MYH13: variants seen among roughly 807,000 people sequenced by gnomAD.
MYH13 encodes myosin heavy chain 13.
In MYH13, 177 loss-of-function variants were observed where a neutral mutation model predicts 232.1. That is an observed-to-expected ratio of 0.76 (90% CI 0.67 to 0.86). MYH13 has a LOEUF of 0.86. Among genes scored for constraint, MYH13 ranks in the 40% least tolerant of loss-of-function variants. The pLI is 0.00. For missense variants in MYH13, 2,246 were observed against 2,405.9 expected (o/e 0.93, Z 1.39); for synonymous variants, 884 against 923.5 (o/e 0.96, Z 0.78).
At chr17:10,331,895 G>A (rs1907417891) in intron 20 of MYH13, among the ~76,000 whole-genome samples, 1 of 152,068 alleles carries the variant, frequency 6.6e-6, no homozygotes, top group African/African-American at 2.4e-5. Flanking sequence ...TGGGGCTCAG[G>A]CTTCCAATCT....
intron 23 of MYH13, 53 bp downstream of exon 23, chr17:10,323,969 G>A: frequency 1.2e-6 from 2 of 1,600,354 alleles, no homozygotes; most frequent in Middle Eastern, 1.7e-4. Context: ...TCCTTACAGA[G>A]AGAGAGAGTG....
intron 37 of MYH13, among the ~76,000 whole-genome samples, chr17:10,305,053 C>G (rs1326598013): frequency 2.6e-5 from 4 of 152,222 alleles, no homozygotes; most frequent in African/African-American, 7.2e-5. Context: ...CCCAAAACCT[C>G]CCCACCCTCC....
intron 29 of MYH13, among the ~76,000 whole-genome samples, chr17:10,314,506 C>T (rs1906632782): frequency 6.6e-6 from 1 of 152,210 alleles, no homozygotes; most frequent in South Asian, 2.1e-4. Flanking sequence ...CAGCCCGCTC[C>T]TGCAGTGGCT....
chr17:10,349,782 C>T (rs2071695479), intron 12 of MYH13, among the ~76,000 whole-genome samples: 1 of 152,090 alleles, frequency 6.6e-6, no homozygotes, highest in South Asian at 2.1e-4. Flanking sequence ...TGTAGATTTT[C>T]CCACCCTTTA....
rs745474321 is a variant in MYH13 at position 10,354,778 on chromosome 17, G to A, written c.907C>T (p.Leu303Phe). Reference protein sequence around the residue: ...SNKKPELIDLLLISTNPFDFP... With the variant: ...SNKKPELIDLFLISTNPFDFP... ...TCGAAGGGGTTGGTGGAGATCAGAA[G>A]CAGGTCTGTGAAACACAGATATCCC... is the stretch of plus-strand genomic sequence containing the variant. Residue 303 changes from leucine (L) to phenylalanine (F), a missense_variant, in exon 11 of 41, where the codon CTT (leucine) becomes TTT (phenylalanine). By Grantham distance (22) the Leu-to-Phe change is conservative. Coordinates refer to ENST00000252172, the MANE Select transcript of MYH13 (RefSeq NM_003802.3). 3 of 1,613,902 alleles carry A rather than the reference G, an allele frequency of 1.9e-6. No individual in the cohort carries two copies. The highest frequency in any genetic ancestry group is 2.2e-5 in the East Asian group (1 of 44,892).
At chr17:10,351,794 G>C (rs558550132) in intron 11 of MYH13, among the ~76,000 whole-genome samples, 15 of 152,294 alleles carry the variant, frequency 9.8e-5, no homozygotes, top group African/African-American at 3.4e-4. Flanking sequence ...CTTCTCTGGG[G>C]TACACATATT....
rs911724070 is a variant in MYH13, at chr17:10,325,773, T to C, written c.2692-1509A>G. 3.3e-5 allele frequency among the ~76,000 whole-genome samples: 5 copies of C among 152,202 alleles called. No homozygotes were observed. In the East Asian group the frequency reaches 7.7e-4, roughly 24 times the overall value. Reference sequence around the variant, plus strand: ...CTCACTGCAACCTCTGCCTCCTGGGTTCAAGTGATTCTCCTGCCTCAGCCT... The same window carrying C: ...CTCACTGCAACCTCTGCCTCCTGGGCTCAAGTGATTCTCCTGCCTCAGCCT... On this transcript the variant is annotated intron_variant, in intron 22 of 40. Coordinates refer to ENST00000252172, the MANE Select transcript of MYH13 (RefSeq NM_003802.3).
At position 10,344,106 on chromosome 17, in the gene MYH13, T is replaced by C; in HGVS notation, c.1588A>G (p.Met530Val). 2 of 1,613,978 alleles carry C rather than the reference T, an allele frequency of 1.2e-6. No individual in the cohort carries two copies. The highest frequency in any genetic ancestry group is 1.7e-6 in the Non-Finnish European group (2 of 1,179,872). ...AACIELIEKP[M>V]GIFSILEEEC... Reference sequence around the variant, plus strand: ...TCTTCCAGGATGGAGAAGATGCCCATAGGCTGGAAAGAGGATAACAGAGTC... The same window carrying C: ...TCTTCCAGGATGGAGAAGATGCCCACAGGCTGGAAAGAGGATAACAGAGTC... The change falls in exon 16 of 41, where the codon ATG becomes GTG. Residue 530 changes from methionine (M) to valine (V), a missense_variant. Met to Val is a conservative substitution (Grantham distance 21). Transcript: ENST00000252172.
intron 2 of MYH13, among the ~76,000 whole-genome samples, chr17:10,366,381 G>GTTTGTTTTTTTGTTTTTTTTT (rs2071837334): frequency 5.3e-5 from 6 of 112,640 alleles, no homozygotes; most frequent in African/African-American, 1.6e-4. Flanking sequence ...AAATAAATCT[G>GTTTGTTTTTTTGTTTTTTTTT]TTTTTTTTTT....
chr17:10,301,008 T>A, intron 40 of MYH13, 43 bp from the exon 41 acceptor site: 1 of 1,566,752 alleles, frequency 6.4e-7, no homozygotes, highest in Non-Finnish European at 8.8e-7. Flanking sequence ...ATGAGTCAAC[T>A]AAATGGGAGA....
chr17:10,309,475 G>GCAGGC, intron 34 of MYH13, 38 bp from the exon 35 acceptor site: 2 of 1,600,126 alleles, frequency 1.2e-6, no homozygotes, highest in Non-Finnish European at 1.7e-6. Context: ...GAGCCGCCTG[G>GCAGGC]CAGGCTGGGG....
At chr17:10,329,700 C>T (rs898326833) in intron 21 of MYH13, among the ~76,000 whole-genome samples, 1 of 151,886 alleles carries the variant, frequency 6.6e-6, no homozygotes, top group Non-Finnish European at 1.5e-5. Flanking sequence ...GTGCTTTCGT[C>T]AGCTGGGCGC....
rs1464509575 is a variant in MYH13, at chr17:10,330,430, C to T, written c.2392G>A (p.Gly798Arg). Residue 798 changes from glycine to arginine, a missense_variant, in exon 21 of 41, where the codon GGG becomes AGG. Transcript: ENST00000252172. Reference sequence around the variant, plus strand: ...TTGAACTCCACCCGCATCAGGTACCCCCTGCACACCGCCTGCGTGCTTGTC... The same window carrying T: ...TTGAACTCCACCCGCATCAGGTACCTCCTGCACACCGCCTGCGTGCTTGTC... ...LMTSTQAVCR[G>R]YLMRVEFKKM... The T allele has an allele frequency of 6.2e-7, 1 of 1,613,452 alleles. No homozygotes were observed. Among genetic ancestry groups the T allele is most frequent in the Non-Finnish European group, 8.5e-7 (1 of 1,179,818 alleles).
chr17:10,327,002 T>G (rs1368842362), intron 22 of MYH13, among the ~76,000 whole-genome samples: 1 of 37,394 alleles, frequency 2.7e-5, no homozygotes, highest in Non-Finnish European at 6.1e-5. Context: ...TTTTTTTTTT[T>G]TTTTTTTTTT....
At chr17:10,365,475 T>C (rs758858091) in intron 2 of MYH13, among the ~76,000 whole-genome samples, 3 of 152,202 alleles carry the variant, frequency 2.0e-5, no homozygotes, top group Non-Finnish European at 2.9e-5. Flanking sequence ...TCTGATTCAG[T>C]AGGCCTGAAG....
rs993559828 is a variant in MYH13, at chr17:10,338,033, C to T, written c.2056+2117G>A. ...GTGCCACTACACTCCGGCCTGGCGA[C>T]AGAGCGAGAGTCTGTCTCAAAAAAG... is the stretch of plus-strand genomic sequence containing the variant. On this transcript the variant is annotated intron_variant, in intron 18 of 40. Transcript: ENST00000252172. 2.0e-5 allele frequency among the ~76,000 whole-genome samples: 3 copies of T among 152,172 alleles called. No homozygotes were observed. The South Asian group carries it at 6.2e-4, about 32-fold the overall frequency.
In MYH13 at chr17:10,355,001, A is replaced by T. The variant is rs1400594933; in HGVS notation, c.803-8T>A. The T allele has an allele frequency of 1.2e-6, 2 of 1,608,980 alleles. No individual in the cohort carries two copies. Among genetic ancestry groups the T allele is most frequent in the Admixed American group, 3.3e-5 (2 of 60,006 alleles). On this transcript the variant is annotated splice_region_variant and splice_polypyrimidine_tract_variant and intron_variant, in intron 9 of 40. Coordinates refer to ENST00000252172, the MANE Select transcript of MYH13 (RefSeq NM_003802.3). ...TGGATTTTTCTAACAGATCTAAGGTAACAAAAATAACGTGATTTCAGGCTC... is the reference window on the plus strand; with the variant it reads ...TGGATTTTTCTAACAGATCTAAGGTTACAAAAATAACGTGATTTCAGGCTC...
chr17:10,313,365 C>T lies in MYH13; in HGVS notation c.3985-11G>A, dbSNP rs374792190. ...CATGGCGTTCTTGGCCTGGGAATGACAGCGGTGACAAATTGCAAAAACATT... is the reference window on the plus strand; with the variant it reads ...CATGGCGTTCTTGGCCTGGGAATGATAGCGGTGACAAATTGCAAAAACATT... On this transcript the variant is annotated splice_polypyrimidine_tract_variant and intron_variant, in intron 29 of 40. Transcript: ENST00000252172. 6.9e-4 allele frequency: 1,107 copies of T among 1,614,080 alleles called. 2 individuals are homozygous for T. Among genetic ancestry groups the T allele is most frequent in the Non-Finnish European group, 9.2e-4 (1,083 of 1,180,044 alleles).
At position 10,306,271 on chromosome 17, in the gene MYH13, T is replaced by TG. The variant is rs1906283265; in HGVS notation, c.5466+187_5466+188insC. Among the ~76,000 whole-genome samples, 1 of 143,690 alleles carries TG rather than the reference T, an allele frequency of 7.0e-6. No individual in the cohort carries two copies. The highest frequency in any genetic ancestry group is 1.5e-5 in the Non-Finnish European group (1 of 65,608). The allele number at this position is 143,690 out of a possible 152,430, so 94.3% of individuals were successfully genotyped here. ...GTGTGTGTGTGTGTGTGTGTGTGTT[T>TG]TGGGGCATAGGAACAGGTGAAACAG... On this transcript the variant is annotated intron_variant, in intron 37 of 40. Transcript: ENST00000252172. This position sits in a 1 kb window ranked among gnomAD's most constrained non-coding sequence, Gnocchi z 4.3.
Sources: allele counts gnomAD v4.1 joint callset (sites outside exome capture counted in the v4.1 genomes callset), GRCh38; gene constraint gnomAD v4.1.1; non-coding constraint Gnocchi (gnomAD v3.1); transcripts MANE v1.5; gene names NCBI Gene and HGNC (gene_info 2026-07-23, HGNC 2026-07-21).